Variants in CLMN observed in about 807,000 individuals in gnomAD.
CLMN encodes the protein calmin, also known as calmin (calponin-like, transmembrane).
Under a neutral mutation model 92.7 loss-of-function variants are expected in CLMN, and 57 were observed. The observed-to-expected ratio is 0.61, with a 90% CI of 0.50 to 0.77. The LOEUF (loss-of-function observed/expected upper bound fraction) is 0.77. CLMN is among the 30% of genes least tolerant of loss of function. The pLI is 0.00. For missense variants in CLMN, 1,158 were observed against 1,237.5 expected (o/e 0.94, Z 0.96); for synonymous variants, 466 against 470.6 (o/e 0.99, Z 0.13).
At chr14:95,290,209 A>C (rs944314668) in intron 1 of CLMN, among the ~76,000 whole-genome samples, 2 of 152,200 alleles carry the variant, frequency 1.3e-5, no homozygotes, top group Admixed American at 6.5e-5. Flanking sequence ...CCTTACCATG[A>C]TGCCCTGGGT....
At chr14:95,224,040 A>G (rs1443987744) in intron 2 of CLMN, among the ~76,000 whole-genome samples, 185 bp from the exon 3 acceptor site, 1 of 152,248 alleles carries the variant, frequency 6.6e-6, no homozygotes, top group Non-Finnish European at 1.5e-5. Flanking sequence ...GCAGCGGTGC[A>G]CAGCCACAAC....
Position 95,186,117 on chromosome 14 carries a change from G to A in CLMN, c.*5447C>T, listed in dbSNP as rs145309784. ...ATGGCTATCTGGAGGTCATCAACTAGCAGGGCGACTAGTCGTTTCCTCTTT... is the reference window on the plus strand; with the variant it reads ...ATGGCTATCTGGAGGTCATCAACTAACAGGGCGACTAGTCGTTTCCTCTTT... On this transcript the variant is annotated 3_prime_UTR_variant, in exon 13 of 13. Coordinates refer to ENST00000298912, the MANE Select transcript of CLMN (RefSeq NM_024734.4). 2 of 152,350 alleles carry A rather than the reference G, an allele frequency of 1.3e-5. No homozygotes were observed. Among genetic ancestry groups the A allele is most frequent in the Non-Finnish European group, 2.9e-5 (2 of 68,034 alleles). 9.4% of individuals were successfully genotyped at this position (152,350 alleles called of 1,614,324 possible).
intron 1 of CLMN, among the ~76,000 whole-genome samples, chr14:95,282,256 A>C (rs537251793): frequency 6.6e-6 from 1 of 152,202 alleles, no homozygotes; most frequent in East Asian, 1.9e-4. Context: ...TAAGATTTGC[A>C]CTTCTAGGGA....
rs187164837 is a variant in CLMN, at chr14:95,259,104, G to T, written c.83-28971C>A. 1.3e-4 allele frequency among the ~76,000 whole-genome samples: 20 copies of T among 152,088 alleles called. No individual in the cohort carries two copies. The highest frequency in any genetic ancestry group is 9.2e-4 in the Admixed American group (14 of 15,262). On this transcript the variant is annotated intron_variant, in intron 1 of 12. Coordinates refer to ENST00000298912, the MANE Select transcript of CLMN (RefSeq NM_024734.4). This position sits in a 1 kb window ranked among gnomAD's most constrained non-coding sequence, Gnocchi z 4.3. ...GTGTTGTGTGTTTATGTGTGCTGTGGTGTGCTATGTGCATCTGTGTGTGTG... is the reference window on the plus strand; with the variant it reads ...GTGTTGTGTGTTTATGTGTGCTGTGTTGTGCTATGTGCATCTGTGTGTGTG...
Position 95,191,669 on chromosome 14 carries a change from C to T in CLMN, c.2904G>A (p.Leu968=), listed in dbSNP as rs781553106. ...TATCCGGCTGCTGGACAAGCTGTGTCAGGGAGTCACTCTGCGGGCTGTGGC... is the reference window on the plus strand; with the variant it reads ...TATCCGGCTGCTGGACAAGCTGTGTTAGGGAGTCACTCTGCGGGCTGTGGC... ...LGSHSPQSDS[L]TQLVQQPDMM... The change falls in exon 13 of 13, where the codon CTG becomes CTA. Residue 968 remains leucine (L), a synonymous_variant. Coordinates refer to ENST00000298912, the MANE Select transcript of CLMN (RefSeq NM_024734.4). This position sits in a 1 kb window ranked among gnomAD's most constrained non-coding sequence, Gnocchi z 5.3. The T allele has an allele frequency of 8.7e-6, 14 of 1,613,624 alleles. No homozygotes were observed. The highest frequency in any genetic ancestry group is 3.3e-5 in the South Asian group (3 of 91,060).
intron 1 of CLMN, among the ~76,000 whole-genome samples, chr14:95,274,324 ACCTTATG>A (rs1306267136): frequency 6.6e-6 from 1 of 151,674 alleles, no homozygotes; most frequent in East Asian, 1.9e-4. Context: ...GTCTAACCAC[ACCTTATG>A]AACTTCCCAG....
In CLMN at chr14:95,185,131, G is replaced by A. The variant is rs1225620110; in HGVS notation, c.*6433C>T. 5.3e-5 allele frequency: 8 copies of A among 151,988 alleles called. No individual in the cohort carries two copies. The highest frequency in any genetic ancestry group is 1.2e-4 in the Non-Finnish European group (8 of 68,018). The allele number at this position is 151,988 out of a possible 1,614,324, so 9.4% of individuals were successfully genotyped here. On this transcript the variant is annotated 3_prime_UTR_variant, in exon 13 of 13. Transcript: ENST00000298912. ...TTAAAAAAAAAATCAGAGTGAAGAGGGCAGGTGCTCACGTGGAGCCCAAAG... is the reference window on the plus strand; with the variant it reads ...TTAAAAAAAAAATCAGAGTGAAGAGAGCAGGTGCTCACGTGGAGCCCAAAG...
chr14:95,273,175 G>A (rs149051761), intron 1 of CLMN, among the ~76,000 whole-genome samples: 40 of 152,292 alleles, frequency 2.6e-4, no homozygotes, highest in African/African-American at 9.6e-4. Context: ...TGATGGAAAG[G>A]ACATTCCAGA....
intron 1 of CLMN, among the ~76,000 whole-genome samples, chr14:95,249,713 T>C (rs538524521): frequency 1.3e-5 from 2 of 152,218 alleles, no homozygotes; most frequent in Non-Finnish European, 2.9e-5. Flanking sequence ...TGCCTCAGCC[T>C]CCCAAGTAGC....
chr14:95,222,312 G>GAGAGAA (rs1897569993), intron 3 of CLMN: 1 of 243,282 alleles, frequency 4.1e-6, no homozygotes, highest in Admixed American at 5.1e-5. Context: ...GAGAGAAAGA[G>GAGAGAA]AGAGAAAGAG....
chr14:95,203,552 C>A lies in CLMN; in HGVS notation c.1797G>T (p.Glu599Asp). ...TTTTACCTAGTTTTTCAGCATGATT[C>A]TCAAAAGCCTCAGCATCCTCGTCAG... ...TKPDEDAEAF[E>D]NHAEKLGKRS... is the part of the protein sequence containing the mutation. Residue 599 changes from glutamate to aspartate, a missense_variant, in exon 9 of 13, where the codon GAG becomes GAT. Physicochemically the swap from Glu to Asp is conservative, Grantham distance 45. Transcript: ENST00000298912. 6.2e-7 allele frequency: 1 copy of A among 1,614,162 alleles called. No individual in the cohort carries two copies. Among genetic ancestry groups the A allele is most frequent in the Non-Finnish European group, 8.5e-7 (1 of 1,180,028 alleles).
chr14:95,299,356 C>T (rs1030680141), intron 1 of CLMN, among the ~76,000 whole-genome samples: 2 of 152,202 alleles, frequency 1.3e-5, no homozygotes, highest in Admixed American at 1.3e-4. Flanking sequence ...ATGGGAGACA[C>T]TGTGAAGGAG....
At chr14:95,291,829 G>T (rs1439370739) in intron 1 of CLMN, among the ~76,000 whole-genome samples, 1 of 152,224 alleles carries the variant, frequency 6.6e-6, no homozygotes, top group Non-Finnish European at 1.5e-5. Flanking sequence ...GTCAGCCACA[G>T]AAAGAATGCG....
rs1014706335 is a variant in CLMN at position 95,189,628 on chromosome 14, A to C, written c.*1936T>G. 5 of 152,234 alleles carry C rather than the reference A, an allele frequency of 3.3e-5. No individual in the cohort carries two copies. Among genetic ancestry groups the C allele is most frequent in the African/African-American group, 1.2e-4 (5 of 41,456 alleles). 9.4% of individuals were successfully genotyped at this position (152,234 alleles called of 1,614,324 possible). ...AGACCCATAAAATGAAATGATTCAC[A>C]TTTGGGTTGGCTCTTCCCAGGCTCT... On this transcript the variant is annotated 3_prime_UTR_variant, in exon 13 of 13. Transcript: ENST00000298912.
chr14:95,303,592 C>T (rs1166503262), intron 1 of CLMN, among the ~76,000 whole-genome samples: 1 of 152,214 alleles, frequency 6.6e-6, no homozygotes, highest in East Asian at 1.9e-4. Flanking sequence ...GAGAAAATAG[C>T]CATTAGGTGT....
chr14:95,319,315 A>G (rs1389450929), intron 1 of CLMN, among the ~76,000 whole-genome samples: 1 of 151,082 alleles, frequency 6.6e-6, no homozygotes, highest in East Asian at 1.9e-4. Flanking sequence ...ACACACACAC[A>G]CACACACACA....
chr14:95,319,661 C>G, intron 1 of CLMN, 50 bp downstream of exon 1: 2 of 1,472,566 alleles, frequency 1.4e-6, no homozygotes, highest in South Asian at 1.2e-5. Flanking sequence ...AGCGGCGCCC[C>G]GGGCCCCCCG....
intron 1 of CLMN, among the ~76,000 whole-genome samples, chr14:95,262,066 T>C (rs986091381): frequency 9.2e-5 from 14 of 152,236 alleles, no homozygotes; most frequent in African/African-American, 3.4e-4. Context: ...CACGCCTGTA[T>C]TCCCAAATGC....
intron 1 of CLMN, among the ~76,000 whole-genome samples, chr14:95,246,874 A>G (rs533320615): frequency 8.1e-4 from 123 of 152,280 alleles, no homozygotes; most frequent in Non-Finnish European, 6.6e-4. Context: ...AAATTCTTAT[A>G]GAGTTTAGAT....
Sources: gnomAD v4.1 joint callset for allele counts (sites outside exome capture counted in the v4.1 genomes callset) on GRCh38, gnomAD v4.1.1 for gene constraint, Gnocchi (gnomAD v3.1) non-coding constraint, MANE v1.5 for transcripts, NCBI Gene and HGNC (gene_info 2026-07-23, HGNC 2026-07-21) for gene names.